The following ZSCAN5A variants were observed in gnomAD, a reference collection of about 807,000 sequenced individuals.
ZSCAN5A encodes the protein zinc finger and SCAN domain-containing protein 5A.
A neutral mutation model predicts 23.7 loss-of-function variants in ZSCAN5A; 12 were observed. The observed-to-expected ratio is 0.51, with a 90% CI of 0.32 to 0.82. The LOEUF (loss-of-function observed/expected upper bound fraction) is 0.82. ZSCAN5A is among the 40% of genes least tolerant of loss of function. The pLI is 0.03. For synonymous variants in ZSCAN5A, 257 were observed against 239.9 expected, an observed-to-expected ratio of 1.07 and a Z score of -0.66; for missense variants, 597 against 617.9, an observed-to-expected ratio of 0.97 and a Z score of 0.36.
intron 2 of ZSCAN5A, among the ~76,000 whole-genome samples, chr19:56,267,043 T>G (rs901660451): frequency 1.9e-5 from 2 of 104,346 alleles, no homozygotes; most frequent in African/African-American, 7.1e-5. Context: ...TTGCACAAGC[T>G]GTTCCCTCTG....
chr19:56,320,159 T>A, intron 2 of ZSCAN5A: 1 of 723,570 alleles, frequency 1.4e-6, no homozygotes, highest in South Asian at 1.4e-5. Context: ...TTTCATAATA[T>A]AGAAACTTCC....
intron 2 of ZSCAN5A, among the ~76,000 whole-genome samples, chr19:56,299,194 T>C (rs1262654564): frequency 6.6e-6 from 1 of 152,000 alleles, no homozygotes; most frequent in Non-Finnish European, 1.5e-5. Flanking sequence ...TGCAGTGGTA[T>C]GATCACGGCT....
intron 2 of ZSCAN5A, among the ~76,000 whole-genome samples, chr19:56,344,896 C>T (rs1008867072): frequency 3.7e-5 from 4 of 106,882 alleles, no homozygotes; most frequent in Non-Finnish European, 6.8e-5. Flanking sequence ...GGCGACAGAG[C>T]GAGACTCCGT....
intron 2 of ZSCAN5A, among the ~76,000 whole-genome samples, chr19:56,346,632 G>A (rs570461191): frequency 6.6e-6 from 1 of 152,218 alleles, no homozygotes; most frequent in South Asian, 2.1e-4. Flanking sequence ...CATTAGCTCA[G>A]GGGGATAAGC....
In ZSCAN5A at chr19:56,228,410, T is replaced by A. The variant is rs534668101; in HGVS notation, c.-127-3237A>T. 7.1e-6 allele frequency: 7 copies of A among 985,412 alleles called. No individual in the cohort carries two copies. The East Asian group carries it at 7.9e-4, about 112-fold the overall frequency. 61.0% of individuals were successfully genotyped at this position (985,412 alleles called of 1,614,324 possible). ...TTGGTTTAGGGCCATAGAGTCCATTTTACGTAATCGGCGTTGATTATGGTT... is the reference window on the plus strand; with the variant it reads ...TTGGTTTAGGGCCATAGAGTCCATTATACGTAATCGGCGTTGATTATGGTT... On this transcript the variant is annotated intron_variant, in intron 2 of 5. Coordinates refer to ENST00000683990, the MANE Select transcript of ZSCAN5A (RefSeq NM_001322064.3).
chr19:56,334,746 C>A (rs927679266), intron 2 of ZSCAN5A, among the ~76,000 whole-genome samples: 3 of 152,000 alleles, frequency 2.0e-5, no homozygotes, highest in African/African-American at 4.8e-5. Flanking sequence ...CACAGCAGCC[C>A]TATAGAAAAG....
chr19:56,231,991 C>CTTTT (rs1357492276), intron 2 of ZSCAN5A, among the ~76,000 whole-genome samples: 5 of 34,340 alleles, frequency 1.5e-4, no homozygotes, highest in African/African-American at 5.9e-4. Flanking sequence ...TTCTTTTTTT[C>CTTTT]TTTTCTTTTT....
chr19:56,250,719 G>C (rs117154338), intron 2 of ZSCAN5A, among the ~76,000 whole-genome samples: 1,729 of 152,140 alleles, frequency 0.011, 17 homozygotes, highest in East Asian at 0.022. Context: ...TCCCACATCC[G>C]CTCCTACCCA....
chr19:56,306,321 C>G (rs1338053162), intron 2 of ZSCAN5A, among the ~76,000 whole-genome samples: 2 of 123,310 alleles, frequency 1.6e-5, no homozygotes, highest in Non-Finnish European at 3.6e-5. Flanking sequence ...GTACTAAGGA[C>G]AGATGGGAGA....
upstream of ZSCAN5A, chr19:56,314,967 T>C (rs1043683977): frequency 2.0e-5 from 3 of 152,288 alleles, no homozygotes; most frequent in African/African-American, 7.2e-5. Flanking sequence ...CCTTCACTCC[T>C]GCTTCCCCCA....
rs372182822 is a variant in ZSCAN5A, at chr19:56,227,633, G to T, written c.-127-2460C>A. On this transcript the variant is annotated intron_variant, in intron 2 of 5. Coordinates refer to ENST00000683990, the MANE Select transcript of ZSCAN5A (RefSeq NM_001322064.3). ...CAGGAGTTAGTATTCAATTCTGGGA[G>T]TATATACCACACGGGTCACCCAGGT... Among the ~76,000 whole-genome samples the T allele has an allele frequency of 2.6e-5, 4 of 152,214 alleles. No homozygotes were observed. In the South Asian group the frequency reaches 8.3e-4, roughly 32 times the overall value.
chr19:56,321,712 G>A, intron 2 of ZSCAN5A: 1 of 1,413,928 alleles, frequency 7.1e-7, no homozygotes, highest in South Asian at 1.2e-5. Flanking sequence ...AATGTTCAAG[G>A]GCTCTTGATT....
intron 2 of ZSCAN5A, chr19:56,243,916 G>T: frequency 4.1e-6 from 2 of 486,450 alleles, no homozygotes; most frequent in South Asian, 3.6e-5. Flanking sequence ...GTTTTTTTTT[G>T]CAGACTTCTG....
At chr19:56,335,058 T>C (rs1248744434) in intron 2 of ZSCAN5A, among the ~76,000 whole-genome samples, 1 of 152,164 alleles carries the variant, frequency 6.6e-6, no homozygotes, top group Non-Finnish European at 1.5e-5. Flanking sequence ...GATAAAGCAT[T>C]GCATGAGCTG....
chr19:56,225,149 A>G lies in ZSCAN5A; in HGVS notation c.-103T>C. The stretch of plus-strand genomic sequence containing the variant: ...AGGCTTCCTCTGGTTTTCCTCAGTA[A>G]TAGATTCACTGTTCATTCAGAAGTC... On this transcript the variant is annotated 5_prime_UTR_variant, in exon 3 of 6. Coordinates refer to ENST00000683990, the MANE Select transcript of ZSCAN5A (RefSeq NM_001322064.3). The G allele has an allele frequency of 6.7e-7, 1 of 1,486,720 alleles. No individual in the cohort carries two copies. The highest frequency in any genetic ancestry group is 8.9e-7 in the Non-Finnish European group (1 of 1,128,400). The allele number at this position is 1,486,720 out of a possible 1,614,324, so 92.1% of individuals were successfully genotyped here.
intron 2 of ZSCAN5A, among the ~76,000 whole-genome samples, chr19:56,326,598 G>T (rs34587718): frequency 0.077 from 11,630 of 151,938 alleles, 513 homozygotes; most frequent in South Asian, 0.16. Flanking sequence ...TCTGTGCGTG[G>T]CTTATTTCAC....
intron 2 of ZSCAN5A, among the ~76,000 whole-genome samples, chr19:56,311,742 G>T (rs2041050113): frequency 6.6e-6 from 1 of 152,190 alleles, no homozygotes; most frequent in Non-Finnish European, 1.5e-5. Flanking sequence ...TGTGTGCCAT[G>T]GTAGTTTGCT....
intron 3 of ZSCAN5A, 116 bp downstream of exon 3, chr19:56,224,547 C>T: frequency 7.7e-7 from 1 of 1,306,952 alleles, no homozygotes; most frequent in African/African-American, 1.4e-5. Context: ...GCAAACTCTC[C>T]TCTACTTGGA....
chr19:56,319,199 C>T (rs946880567), upstream of ZSCAN5A, among the ~76,000 whole-genome samples: 1 of 151,662 alleles, frequency 6.6e-6, no homozygotes, highest in African/African-American at 2.4e-5. Flanking sequence ...GCTGTACAGG[C>T]TTAATTCAGA....
Sources: allele counts gnomAD v4.1 joint callset (sites outside exome capture counted in the v4.1 genomes callset), GRCh38; gene constraint gnomAD v4.1.1; transcripts MANE v1.5; gene names NCBI Gene and HGNC (gene_info 2026-07-23, HGNC 2026-07-21).